Variants in IGFBP2 observed in about 807,000 individuals in gnomAD.
The protein encoded by IGFBP2 is insulin like growth factor binding protein 2.
A neutral mutation model predicts 26.2 loss-of-function variants in IGFBP2; 12 were observed. That is an observed-to-expected ratio of 0.46 (90% CI 0.29 to 0.74). The LOEUF (loss-of-function observed/expected upper bound fraction) is 0.74, where lower values mean the gene tolerates loss of function less well. Ranked by LOEUF, IGFBP2 falls within the 30% of genes least tolerant of loss-of-function variation. IGFBP2 has a pLI of 0.09. For synonymous variants in IGFBP2, 189 were observed against 200.6 expected (o/e 0.94, Z 0.49); for missense variants, 328 against 441.2 (o/e 0.74, Z 2.30).
Position 216,633,487 on chromosome 2 carries a change from C to T in IGFBP2, c.-37C>T. 1.7e-6 allele frequency: 1 copy of T among 578,314 alleles called. No individual in the cohort carries two copies. The highest frequency in any genetic ancestry group is 7.1e-5 in the South Asian group (1 of 14,004). 35.8% of individuals were successfully genotyped at this position (578,314 alleles called of 1,614,324 possible). Reference sequence around the variant, plus strand: ...TGCCACCTGCCCGCCCGCCCGCTCGCTCGCTCGCCCGCCGCGCCGCGCTGC... The same window carrying T: ...TGCCACCTGCCCGCCCGCCCGCTCGTTCGCTCGCCCGCCGCGCCGCGCTGC... On this transcript the variant is annotated 5_prime_UTR_variant, in exon 1 of 4. Coordinates refer to ENST00000233809, the MANE Select transcript of IGFBP2 (RefSeq NM_000597.3).
intron 1 of IGFBP2, among the ~76,000 whole-genome samples, chr2:216,648,847 T>G (rs1219167756): frequency 6.6e-6 from 1 of 152,188 alleles, no homozygotes; most frequent in South Asian, 2.1e-4. Context: ...GACCTCGTGA[T>G]CCACCTGTCT....
At position 216,645,338 on chromosome 2, in the gene IGFBP2, A is replaced by G. The variant is rs181159106; in HGVS notation, c.442+11373A>G. On this transcript the variant is annotated intron_variant, in intron 1 of 3. Coordinates refer to ENST00000233809, the MANE Select transcript of IGFBP2 (RefSeq NM_000597.3). ...TTCTAGGGAAAGATGGGGGTCCCAT[A>G]GAGATGGGGAGGGGAAGAAATGAAG... 7.9e-5 allele frequency among the ~76,000 whole-genome samples: 12 copies of G among 152,276 alleles called. No homozygotes were observed. In the East Asian group the frequency reaches 1.9e-3, roughly 25 times the overall value.
At chr2:216,654,762 A>G (rs1469675664) in intron 1 of IGFBP2, among the ~76,000 whole-genome samples, 1 of 152,214 alleles carries the variant, frequency 6.6e-6, no homozygotes, top group South Asian at 2.1e-4. Context: ...GGATTTCTTC[A>G]TCTTATTGGC....
Position 216,634,071 on chromosome 2 carries a change from C to T in IGFBP2, c.442+106C>T. On this transcript the variant is annotated intron_variant, in intron 1 of 3. Coordinates refer to ENST00000233809, the MANE Select transcript of IGFBP2 (RefSeq NM_000597.3). ...GGTTTTAGGGGCGGCAGAGCCGAGA[C>T]CTTGGACCAAATCAAGGGGGACTGT... The T allele has an allele frequency of 4.9e-6, 7 of 1,414,958 alleles. No homozygotes were observed. In the South Asian group the frequency reaches 1.0e-4, roughly 21 times the overall value. 87.7% of individuals were successfully genotyped at this position (1,414,958 alleles called of 1,614,324 possible). A position where few individuals can be genotyped will look rare whatever the true frequency, so the allele number is the denominator to read the frequency against.
At position 216,647,747 on chromosome 2, in the gene IGFBP2, G is replaced by C. The variant is rs567122950; in HGVS notation, c.443-12810G>C. Among the ~76,000 whole-genome samples, 148 of 152,212 alleles carry C rather than the reference G, an allele frequency of 9.7e-4. 3 individuals are homozygous for C. In the East Asian group the frequency reaches 0.013, roughly 14 times the overall value. On this transcript the variant is annotated intron_variant, in intron 1 of 3. Coordinates refer to ENST00000233809, the MANE Select transcript of IGFBP2 (RefSeq NM_000597.3). ...ATGTTAGCCAGGATGGTCTCGATTT[G>C]CTGACCTCGTGATCTGCCCGCCTTG... is the stretch of plus-strand genomic sequence containing the variant.
At chr2:216,656,683 A>G (rs541146007) in intron 1 of IGFBP2, among the ~76,000 whole-genome samples, 1 of 152,008 alleles carries the variant, frequency 6.6e-6, no homozygotes, top group South Asian at 2.1e-4. Flanking sequence ...AAGCTCATGG[A>G]TAGAGGTACA....
At chr2:216,637,349 G>A (rs769476777) in intron 1 of IGFBP2, among the ~76,000 whole-genome samples, 14 of 152,290 alleles carry the variant, frequency 9.2e-5, no homozygotes, top group East Asian at 1.9e-4. Context: ...CCCTGGCCTC[G>A]GAGGCAGGGC....
chr2:216,659,563 G>C (rs1388880374), intron 1 of IGFBP2: 3 of 648,674 alleles, frequency 4.6e-6, no homozygotes, highest in Non-Finnish European at 5.6e-6. Flanking sequence ...CAGCTCTGCC[G>C]TGCGATTCAG....
At chr2:216,659,084 G>A (rs1411051243) in intron 1 of IGFBP2, among the ~76,000 whole-genome samples, 1 of 152,200 alleles carries the variant, frequency 6.6e-6, no homozygotes. Context: ...AAAGGAAGCT[G>A]CTGCATGGCA....
At position 216,638,876 on chromosome 2, in the gene IGFBP2, T is replaced by C. The variant is rs570397269; in HGVS notation, c.442+4911T>C. On this transcript the variant is annotated intron_variant, in intron 1 of 3. Coordinates refer to ENST00000233809, the MANE Select transcript of IGFBP2 (RefSeq NM_000597.3). ...CACCACGCCCGGCTAACTTTTTGTA[T>C]TTTTTAGTAGAGACGGGGTTTCACA... 8.0e-5 allele frequency among the ~76,000 whole-genome samples: 12 copies of C among 150,084 alleles called. 1 individual carries two copies. The South Asian group carries it at 2.1e-3, about 27-fold the overall frequency.
chr2:216,658,654 A>G (rs184044619), intron 1 of IGFBP2, among the ~76,000 whole-genome samples: 269 of 152,064 alleles, frequency 1.8e-3, no homozygotes, highest in Non-Finnish European at 3.0e-3. Context: ...GGTTCAAGCA[A>G]TTGTCCTGTG....
intron 1 of IGFBP2, among the ~76,000 whole-genome samples, chr2:216,650,826 A>C (rs1697804848): frequency 6.6e-6 from 1 of 152,220 alleles, no homozygotes; most frequent in African/African-American, 2.4e-5. Context: ...CATGCTCAGA[A>C]GTGACTGGTC....
At chr2:216,661,721 C>A in intron 2 of IGFBP2, 137 bp from the exon 3 acceptor site, 1 of 1,000,980 alleles carries the variant, frequency 1.0e-6, no homozygotes. Context: ...TCAGAAGTCC[C>A]TGTGCCCCCT....
rs1399415250 is a variant in IGFBP2 at position 216,660,545 on chromosome 2, C to G, written c.443-12C>G. On this transcript the variant is annotated splice_polypyrimidine_tract_variant and intron_variant, in intron 1 of 3. Coordinates refer to ENST00000233809, the MANE Select transcript of IGFBP2 (RefSeq NM_000597.3). ...TGGACCTGGAGCTTTTCTTCCCTTC[C>G]TCTCTTGGCAGACAATGGCGATGAC... is the stretch of plus-strand genomic sequence containing the variant. The G allele has an allele frequency of 6.3e-7, 1 of 1,578,354 alleles. No individual in the cohort carries two copies. Among genetic ancestry groups the G allele is most frequent in the Admixed American group, 1.8e-5 (1 of 56,874 alleles).
Position 216,660,776 on chromosome 2 carries a change from C to T in IGFBP2, c.662C>T (p.Pro221Leu), listed in dbSNP as rs200955784. ...GAGGAGCCCAAGAAGCTGCGACCACCCCCTGCCAGGGTCAGTGAGGGTCAG... is the reference window on the plus strand; with the variant it reads ...GAGGAGCCCAAGAAGCTGCGACCACTCCCTGCCAGGGTCAGTGAGGGTCAG... ...GLEEPKKLRPPPARTPCQQEL... is the reference protein window; with the variant it reads ...GLEEPKKLRPLPARTPCQQEL... The change falls in exon 2 of 4, where the codon CCC (proline) becomes CTC (leucine). Residue 221 changes from proline to leucine, a missense_variant. By Grantham distance (98) the Pro-to-Leu change is moderately conservative. Coordinates refer to ENST00000233809, the MANE Select transcript of IGFBP2 (RefSeq NM_000597.3). 1.3e-6 allele frequency: 2 copies of T among 1,585,744 alleles called. No homozygotes were observed. Among genetic ancestry groups the T allele is most frequent in the Non-Finnish European group, 1.7e-6 (2 of 1,166,968 alleles).
chr2:216,652,720 C>T (rs1433625339), intron 1 of IGFBP2, among the ~76,000 whole-genome samples: 1 of 152,174 alleles, frequency 6.6e-6, no homozygotes, highest in African/African-American at 2.4e-5. Flanking sequence ...CAACATATGT[C>T]AAGGCTAAGT....
intron 1 of IGFBP2, among the ~76,000 whole-genome samples, chr2:216,636,353 C>T (rs1232060142): frequency 6.6e-6 from 1 of 152,110 alleles, no homozygotes; most frequent in East Asian, 1.9e-4. Flanking sequence ...TTCGAGGCAG[C>T]GAACCTCAGC....
chr2:216,656,933 C>T (rs1482759146), intron 1 of IGFBP2, among the ~76,000 whole-genome samples: 1 of 152,146 alleles, frequency 6.6e-6, no homozygotes, highest in Non-Finnish European at 1.5e-5. Context: ...GTCGAGGTCT[C>T]CAGAAACCCT....
At chr2:216,661,541 T>C (rs2106207656) in intron 2 of IGFBP2, 1 of 433,198 alleles carries the variant, frequency 2.3e-6, no homozygotes, top group East Asian at 5.1e-5. Context: ...GGTGGGGGCA[T>C]GGAGACTCGA....
Sources: gnomAD v4.1 joint callset for allele counts (sites outside exome capture counted in the v4.1 genomes callset) on GRCh38, gnomAD v4.1.1 for gene constraint, MANE v1.5 for transcripts, NCBI Gene and HGNC (gene_info 2026-07-23, HGNC 2026-07-21) for gene names.